PDGFA: variants seen among roughly 807,000 people sequenced by gnomAD.
PDGFA encodes platelet-derived growth factor subunit A.
A neutral mutation model predicts 25.6 loss-of-function variants in PDGFA; 9 were observed. That is an observed-to-expected ratio of 0.35 (90% CI 0.21 to 0.61). The LOEUF (loss-of-function observed/expected upper bound fraction) is 0.61. Ranked by LOEUF, PDGFA falls within the 20% of genes least tolerant of loss-of-function variation. PDGFA has a pLI of 0.75. For synonymous variants in PDGFA, 133 were observed against 111.8 expected (o/e 1.19, Z -1.20); for missense variants, 242 against 272.8 (o/e 0.89, Z 0.79).
At chr7:507,181 G>A (rs964210681) in intron 4 of PDGFA, among the ~76,000 whole-genome samples, 25 of 152,368 alleles carry the variant, frequency 1.6e-4, no homozygotes, top group African/African-American at 4.8e-4. Flanking sequence ...GTCCAAAGCC[G>A]GATGTTTTCC....
intron 2 of PDGFA, chr7:513,059 G>C: frequency 5.7e-6 from 1 of 176,932 alleles, no homozygotes; most frequent in Non-Finnish European, 1.2e-5. Flanking sequence ...TTCCTGAAAT[G>C]AGTCTACTCT....
At chr7:507,243 C>T (rs547650500) in intron 4 of PDGFA, among the ~76,000 whole-genome samples, 8 of 152,358 alleles carry the variant, frequency 5.3e-5, no homozygotes, top group Admixed American at 6.5e-5. Context: ...GAAGCGGGAA[C>T]ATGAAGGGGG....
exon 1 of PDGFA, chr7:519,161 C>A (rs1783248964): frequency 4.0e-6 from 2 of 502,856 alleles, no homozygotes; most frequent in Admixed American, 7.9e-5. Context: ...GCGCCCGGCG[C>A]GAGCAGTGAG....
At position 501,096 on chromosome 7, in the gene PDGFA, C is replaced by T. The variant is rs377487009; in HGVS notation, c.580+20G>A. ...AAGACCTGTTCTCCAACACCGATGC[C>T]GACGAAGGCAGCCACTCACCCGTGT... On this transcript the variant is annotated intron_variant, in intron 5 of 5. Transcript: ENST00000402802. 2.4e-5 allele frequency: 39 copies of T among 1,614,156 alleles called. No homozygotes were observed. The East Asian group carries it at 5.3e-4, about 22-fold the overall frequency.
At chr7:513,084 T>C (rs1295427235) in intron 2 of PDGFA, 3 of 160,898 alleles carry the variant, frequency 1.9e-5, no homozygotes, top group Non-Finnish European at 2.8e-5. Flanking sequence ...CCAGCGGCCA[T>C]GAGGAGAGGC....
chr7:504,937 C>T (rs1379038339), intron 4 of PDGFA, among the ~76,000 whole-genome samples: 1 of 152,248 alleles, frequency 6.6e-6, no homozygotes, highest in Non-Finnish European at 1.5e-5. Flanking sequence ...CCCCTCTGGG[C>T]ACCGTGCGAA....
Position 517,458 on chromosome 7 carries a change from C to G in PDGFA, c.96G>C (p.Arg32Ser). 7.3e-7 allele frequency: 1 copy of G among 1,379,246 alleles called. No homozygotes were observed. The highest frequency in any genetic ancestry group is 9.5e-7 in the Non-Finnish European group (1 of 1,051,272). The allele number at this position is 1,379,246 out of a possible 1,614,324, so 85.4% of individuals were successfully genotyped here. ...TGCTGTGGATCTGACTGCGGGCCAG[C>G]CTCTCGATCACCTCGCGGGGGATCT... The change falls in exon 2 of 6, where the codon AGG becomes AGC. Residue 32 changes from arginine to serine, a missense_variant. Arg to Ser is a moderately radical substitution (Grantham distance 110, BLOSUM62 -1). Coordinates refer to ENST00000402802, the Ensembl canonical transcript of PDGFA. This position sits in a 1 kb window ranked among gnomAD's most constrained non-coding sequence, Gnocchi z 7.4.
At chr7:508,564 A>G (rs1444116122) in intron 4 of PDGFA, among the ~76,000 whole-genome samples, 1 of 138,654 alleles carries the variant, frequency 7.2e-6, no homozygotes. Context: ...TGTCCCAAAA[A>G]AAAAAAAAAA....
At chr7:502,673 C>G (rs1366648948) in intron 4 of PDGFA, among the ~76,000 whole-genome samples, 1 of 152,172 alleles carries the variant, frequency 6.6e-6, no homozygotes, top group Admixed American at 6.5e-5. Flanking sequence ...GGGGTCCTGC[C>G]TCCACAGCCC....
Position 500,352 on chromosome 7 carries a change from A to G in PDGFA, c.580+764T>C. 3 of 1,492,298 alleles carry G rather than the reference A, an allele frequency of 2.0e-6. No individual in the cohort carries two copies. Among genetic ancestry groups the G allele is most frequent in the Non-Finnish European group, 1.9e-6 (2 of 1,070,950 alleles). The allele number at this position is 1,492,298 out of a possible 1,614,324, so 92.4% of individuals were successfully genotyped here. A position where few individuals can be genotyped will look rare whatever the true frequency, so the allele number is the denominator to read the frequency against. ...TCCCCGCCGCACCCGGCGAGACAGG[A>G]AGCGTGATTTGCTGGTGTGATCAGT... is the stretch of plus-strand genomic sequence containing the variant. On this transcript the variant is annotated intron_variant, in intron 5 of 5. Coordinates refer to ENST00000402802, the Ensembl canonical transcript of PDGFA. The surrounding 1 kb of genome is among the most constrained non-coding windows in gnomAD (Gnocchi z 5.0).
chr7:511,884 G>T (rs148398998), intron 3 of PDGFA, among the ~76,000 whole-genome samples: 1 of 152,140 alleles, frequency 6.6e-6, no homozygotes, highest in Non-Finnish European at 1.5e-5. Context: ...CGGGGCACAC[G>T]GGTGTGGTGA....
intron 4 of PDGFA, among the ~76,000 whole-genome samples, chr7:508,590 T>TAAAAAAAAAAAAAAAAAAAC (rs1275774675): frequency 7.6e-6 from 1 of 130,898 alleles, no homozygotes; most frequent in African/African-American, 2.9e-5. Flanking sequence ...AAAAAAAAAT[T>TAAAAAAAAAAAAAAAAAAAC]CTCAGCTGAG....
chr7:510,898 G>A, exon 4 of PDGFA: 1 of 1,612,624 alleles, frequency 6.2e-7, no homozygotes, highest in East Asian at 2.2e-5. Flanking sequence ...TCCACGCACG[G>A]GGGCCAGATC....
At chr7:502,888 G>C (rs1465138350) in intron 4 of PDGFA, among the ~76,000 whole-genome samples, 1 of 151,406 alleles carries the variant, frequency 6.6e-6, no homozygotes. Context: ...CACATACCCT[G>C]TCATGGGGAG....
chr7:512,200 T>C (rs1229257500), intron 3 of PDGFA, 151 bp downstream of exon 3: 24 of 716,184 alleles, frequency 3.4e-5, no homozygotes, highest in Non-Finnish European at 5.4e-5. Flanking sequence ...CCAGGCCTAT[T>C]TTAGGGAGGA....
At chr7:502,126 G>A (rs1782366596) in intron 4 of PDGFA, among the ~76,000 whole-genome samples, 1 of 152,170 alleles carries the variant, frequency 6.6e-6, no homozygotes, top group South Asian at 2.1e-4. Flanking sequence ...GGAGGCTGAG[G>A]TAGGAGGATC....
chr7:502,580 C>G (rs1268581627), intron 4 of PDGFA, among the ~76,000 whole-genome samples: 2 of 152,208 alleles, frequency 1.3e-5, no homozygotes, highest in Non-Finnish European at 2.9e-5. Flanking sequence ...CAGACCTCAG[C>G]TGGGTTCCCC....
At chr7:512,568 C>G in intron 2 of PDGFA, 113 bp from the exon 3 acceptor site, 1 of 1,562,106 alleles carries the variant, frequency 6.4e-7, no homozygotes, top group East Asian at 2.4e-5. Context: ...GAACAGGCAC[C>G]TGGCGGCACA....
At chr7:516,049 C>CGG (rs1554276003) in intron 2 of PDGFA, among the ~76,000 whole-genome samples, 1 of 85,966 alleles carries the variant, frequency 1.2e-5, no homozygotes, top group Non-Finnish European at 2.2e-5. Context: ...AGCCCCCCCC[C>CGG]CCCACTTTTC....
Sources: allele counts gnomAD v4.1 joint callset (sites outside exome capture counted in the v4.1 genomes callset), GRCh38; gene constraint gnomAD v4.1.1; non-coding constraint Gnocchi (gnomAD v3.1); transcripts MANE v1.5; gene names NCBI Gene and HGNC (gene_info 2026-07-23, HGNC 2026-07-21).